NELL2: variants seen among roughly 807,000 people sequenced by gnomAD.
NELL2 encodes protein kinase C-binding protein NELL2.
In NELL2, 41 loss-of-function variants were observed where a neutral mutation model predicts 109.6. That is an observed-to-expected ratio of 0.37 (90% confidence interval 0.29 to 0.49). The LOEUF is 0.49. NELL2 is among the 20% of genes least tolerant of loss of function. NELL2 has a pLI of 0.98. For synonymous variants in NELL2, 355 were observed against 344.7 expected (o/e 1.03, Z -0.33); for missense variants, 900 against 1,008.3 (o/e 0.89, Z 1.45).
At chr12:44,592,564 C>G (rs1944794830) in intron 15 of NELL2, among the ~76,000 whole-genome samples, 1 of 151,884 alleles carries the variant, frequency 6.6e-6, no homozygotes, top group Non-Finnish European at 1.5e-5. Context: ...TTGAGAGCCA[C>G]AAGGGAGGAT....
chr12:44,588,087 G>C lies in NELL2; in HGVS notation c.1663+19082C>G, dbSNP rs182107783. Reference sequence around the variant, plus strand: ...AATGGTGTGAACCCGGGAGGTGGAGGTTGCAGGGAGGCGGAGGTTGCAGTG... The same window carrying C: ...AATGGTGTGAACCCGGGAGGTGGAGCTTGCAGGGAGGCGGAGGTTGCAGTG... On this transcript the variant is annotated intron_variant, in intron 15 of 19. Coordinates refer to ENST00000429094, the MANE Select transcript of NELL2 (RefSeq NM_001145108.2). Among the ~76,000 whole-genome samples, 107 of 150,892 alleles carry C rather than the reference G, an allele frequency of 7.1e-4. 1 individual carries two copies. The highest frequency in any genetic ancestry group is 2.1e-3 in the African/African-American group (87 of 40,580).
chr12:44,907,080 CTTCA>C (rs1412727307), intron 1 of NELL2, among the ~76,000 whole-genome samples: 4 of 152,052 alleles, frequency 2.6e-5, no homozygotes, highest in Admixed American at 6.6e-5. Context: ...TTTTCCCCCT[CTTCA>C]TTCATTCTTC....
chr12:44,749,286 T>A (rs566898261), intron 9 of NELL2, among the ~76,000 whole-genome samples: 3 of 152,324 alleles, frequency 2.0e-5, no homozygotes, highest in African/African-American at 7.2e-5. Context: ...ATCAGCTTTT[T>A]AAAAAATTAC....
At chr12:44,847,489 T>C (rs1269321220) in intron 2 of NELL2, among the ~76,000 whole-genome samples, 1 of 152,008 alleles carries the variant, frequency 6.6e-6, no homozygotes, top group East Asian at 1.9e-4. Flanking sequence ...TTAATGTGCC[T>C]TTCTAAATGC....
Position 44,697,192 on chromosome 12 carries a change from A to G in NELL2, c.1318+6534T>C, listed in dbSNP as rs563913240. Among the ~76,000 whole-genome samples the G allele has an allele frequency of 1.3e-4, 20 of 152,352 alleles. No individual in the cohort carries two copies. The East Asian group carries it at 2.7e-3, about 21-fold the overall frequency. ...AAACATGGAAATAAACGTGAGCTATACATACATTTAAGAACCACTAAAAAA... is the reference window on the plus strand; with the variant it reads ...AAACATGGAAATAAACGTGAGCTATGCATACATTTAAGAACCACTAAAAAA... On this transcript the variant is annotated intron_variant, in intron 12 of 19. Coordinates refer to ENST00000429094, the MANE Select transcript of NELL2 (RefSeq NM_001145108.2).
chr12:44,755,925 T>C (rs1940870544), intron 9 of NELL2, among the ~76,000 whole-genome samples: 1 of 152,190 alleles, frequency 6.6e-6, no homozygotes, highest in Non-Finnish European at 1.5e-5. Context: ...ACAAATTGTA[T>C]AACCAGATGG....
At chr12:44,729,770 C>T (rs960093083) in intron 9 of NELL2, among the ~76,000 whole-genome samples, 2 of 151,806 alleles carry the variant, frequency 1.3e-5, no homozygotes, top group Non-Finnish European at 2.9e-5. Context: ...CGTGAACCAC[C>T]ACACCAGGCC....
intron 9 of NELL2, among the ~76,000 whole-genome samples, chr12:44,768,951 T>C (rs1216259552): frequency 2.6e-5 from 4 of 152,106 alleles, no homozygotes; most frequent in East Asian, 3.9e-4. Flanking sequence ...TTCAAAATTA[T>C]TTTCTTTTTC....
At chr12:44,781,392 T>C (rs1941953179) in intron 3 of NELL2, among the ~76,000 whole-genome samples, 1 of 151,792 alleles carries the variant, frequency 6.6e-6, no homozygotes, top group Non-Finnish European at 1.5e-5. Context: ...TAAAGAGCTG[T>C]GAGATTATAA....
intron 1 of NELL2, among the ~76,000 whole-genome samples, chr12:44,901,232 C>T (rs1002571109): frequency 8.6e-5 from 13 of 151,972 alleles, no homozygotes; most frequent in African/African-American, 2.9e-4. Context: ...CCACTTATCC[C>T]GTAGAAATAC....
chr12:44,711,496 T>C (rs1938201072), intron 10 of NELL2, 102 bp from the exon 11 acceptor site: 8 of 992,100 alleles, frequency 8.1e-6, no homozygotes, highest in Non-Finnish European at 1.2e-5. Context: ...GATCAAGAAA[T>C]TTTTGTCCTG....
intron 13 of NELL2, among the ~76,000 whole-genome samples, chr12:44,621,664 C>T (rs551537143): frequency 1.2e-3 from 176 of 151,998 alleles, no homozygotes; most frequent in African/African-American, 4.2e-3. Context: ...CTACATCCTT[C>T]ACGTGGATTT....
intron 16 of NELL2, among the ~76,000 whole-genome samples, chr12:44,524,294 G>T (rs1350179172): frequency 1.3e-5 from 2 of 152,154 alleles, no homozygotes; most frequent in Non-Finnish European, 2.9e-5. Context: ...AGGTCCATAA[G>T]AGGAGATGGG....
intron 2 of NELL2, among the ~76,000 whole-genome samples, chr12:44,831,646 G>A (rs1336780459): frequency 6.6e-6 from 1 of 152,012 alleles, no homozygotes; most frequent in Non-Finnish European, 1.5e-5. Context: ...GTAAATCCTC[G>A]CCACTGGGAT....
intron 1 of NELL2, 22 bp from the exon 2 acceptor site, chr12:44,875,375 G>A: frequency 1.9e-6 from 3 of 1,613,960 alleles, no homozygotes; most frequent in Non-Finnish European, 2.5e-6. Flanking sequence ...TATGAGGTGG[G>A]AGAGAGAAAA....
chr12:44,876,518 T>C, upstream of NELL2: 2 of 1,401,464 alleles, frequency 1.4e-6, no homozygotes, highest in Non-Finnish European at 1.9e-6. Context: ...TCCCTCCCTC[T>C]CTCGATGACC....
Position 44,714,658 on chromosome 12 carries a change from C to G in NELL2, c.1078G>C (p.Glu360Gln). Reference protein sequence around the residue: ...YSSSGVCVLYECKDQTMKLVE... With the variant: ...YSSSGVCVLYQCKDQTMKLVE... ...ACGAATAGTCTTCTTACCTTGCACTCATAGAGAACACATACTCCAGAAGAG... is the reference window on the plus strand; with the variant it reads ...ACGAATAGTCTTCTTACCTTGCACTGATAGAGAACACATACTCCAGAAGAG... Residue 360 changes from glutamate (E) to glutamine (Q), a missense_variant, in exon 10 of 20, where the codon GAG becomes CAG. Physicochemically the swap from Glu to Gln is conservative, Grantham distance 29. Transcript: ENST00000429094. 1 of 1,588,232 alleles carries G rather than the reference C, an allele frequency of 6.3e-7. No homozygotes were observed. The highest frequency in any genetic ancestry group is 8.6e-7 in the Non-Finnish European group (1 of 1,168,728).
chr12:44,562,297 A>T (rs1026570740), intron 15 of NELL2, among the ~76,000 whole-genome samples: 5 of 152,234 alleles, frequency 3.3e-5, no homozygotes, highest in Non-Finnish European at 5.9e-5. Flanking sequence ...AATGGCAACA[A>T]AAGCCAAAAT....
At chr12:44,806,913 T>C (rs566045523) in intron 3 of NELL2, among the ~76,000 whole-genome samples, 10 of 151,750 alleles carry the variant, frequency 6.6e-5, no homozygotes, top group African/African-American at 2.4e-4. Flanking sequence ...GATACAAAAA[T>C]GGTGTTGGAA....
Sources: allele counts gnomAD v4.1 joint callset (sites outside exome capture counted in the v4.1 genomes callset), GRCh38; gene constraint gnomAD v4.1.1; transcripts MANE v1.5; gene names NCBI Gene and HGNC (gene_info 2026-07-23, HGNC 2026-07-21).